ZDHHC2: variants seen among roughly 807,000 people sequenced by gnomAD.
ZDHHC2 encodes zDHHC palmitoyltransferase 2.
ZDHHC2 carries 51 observed loss-of-function variants against 55.6 expected under a neutral mutation model. That is an observed-to-expected ratio of 0.92 (90% CI 0.73 to 1.16). The LOEUF is 1.16. ZDHHC2 is among the 50% of genes most tolerant of loss of function. ZDHHC2 has a pLI of 0.00. For synonymous variants in ZDHHC2, 199 were observed against 152.9 expected, an observed-to-expected ratio of 1.30 and a Z score of -2.22; for missense variants, 491 against 442.4, an observed-to-expected ratio of 1.11 and a Z score of -0.99.
At chr8:17,199,506 T>TTCTTCG (rs1806538079) in intron 6 of ZDHHC2, among the ~76,000 whole-genome samples, 1 of 42,724 alleles carries the variant, frequency 2.3e-5, no homozygotes, top group African/African-American at 6.9e-5. Context: ...CTTCTTCTTC[T>TTCTTCG]TCTTCTTCGT....
intron 1 of ZDHHC2, among the ~76,000 whole-genome samples, chr8:17,159,908 C>T (rs1013958881): frequency 1.3e-5 from 2 of 152,166 alleles, no homozygotes; most frequent in African/African-American, 4.8e-5. Context: ...GTCCCTCTCT[C>T]CACTCCTGGC....
At chr8:17,214,482 T>C (rs1807545976) in intron 10 of ZDHHC2, among the ~76,000 whole-genome samples, 1 of 152,234 alleles carries the variant, frequency 6.6e-6, no homozygotes, top group African/African-American at 2.4e-5. Context: ...TCATATTTTC[T>C]TCCATATCCA....
intron 1 of ZDHHC2, among the ~76,000 whole-genome samples, chr8:17,180,502 G>A (rs1318317308): frequency 6.6e-6 from 1 of 151,998 alleles, no homozygotes. Context: ...TTTGTAATTT[G>A]TCTTCCTTGT....
chr8:17,198,435 A>G (rs747062539), intron 6 of ZDHHC2, 22 bp downstream of exon 6: 5 of 1,590,318 alleles, frequency 3.1e-6, no homozygotes, highest in Non-Finnish European at 4.3e-6. Context: ...GTATATTTAA[A>G]CAAGTTTGTG....
intron 1 of ZDHHC2, among the ~76,000 whole-genome samples, chr8:17,171,533 T>C (rs1211668368): frequency 6.6e-6 from 1 of 152,128 alleles, no homozygotes; most frequent in African/African-American, 2.4e-5. Context: ...AACTGATAGA[T>C]TGAAAGACCG....
intron 1 of ZDHHC2, among the ~76,000 whole-genome samples, chr8:17,170,592 T>G (rs1293301357): frequency 6.6e-6 from 1 of 152,222 alleles, no homozygotes; most frequent in African/African-American, 2.4e-5. Context: ...CTAGATGGTT[T>G]TAGAACGTTG....
intron 10 of ZDHHC2, among the ~76,000 whole-genome samples, chr8:17,211,766 A>T (rs575049270): frequency 1.3e-5 from 2 of 152,142 alleles, no homozygotes; most frequent in African/African-American, 4.8e-5. Context: ...TATATATTTC[A>T]CAGGGACATT....
At chr8:17,172,295 C>G (rs754216534) in intron 1 of ZDHHC2, among the ~76,000 whole-genome samples, 16 of 152,310 alleles carry the variant, frequency 1.1e-4, no homozygotes, top group African/African-American at 3.8e-4. Flanking sequence ...TCTTGGCCGC[C>G]GGCTAAATAT....
intron 6 of ZDHHC2, among the ~76,000 whole-genome samples, chr8:17,202,303 C>T (rs902604732): frequency 6.1e-5 from 4 of 65,796 alleles, no homozygotes; most frequent in African/African-American, 1.4e-4. Context: ...TCACTACAAC[C>T]TCCACCTCCT....
rs1183172860 is a variant in ZDHHC2, at chr8:17,221,226, A to G, written c.*1005A>G. ...ACACCTATTACAGTTAAATTATGCA[A>G]ATCATTAAATAAAAATCATACAACT... is the stretch of plus-strand genomic sequence containing the variant. On this transcript the variant is annotated 3_prime_UTR_variant, in exon 13 of 13. Coordinates refer to ENST00000262096, the MANE Select transcript of ZDHHC2 (RefSeq NM_016353.5). The G allele has an allele frequency of 6.6e-6, 1 of 152,536 alleles. No homozygotes were observed. Among genetic ancestry groups the G allele is most frequent in the Non-Finnish European group, 1.5e-5 (1 of 67,984 alleles). 9.4% of individuals were successfully genotyped at this position (152,536 alleles called of 1,614,324 possible).
chr8:17,156,911 C>G, intron 1 of ZDHHC2, 58 bp downstream of exon 1: 6 of 1,426,840 alleles, frequency 4.2e-6, no homozygotes, highest in Non-Finnish European at 4.6e-6. Flanking sequence ...CCGACTGTCC[C>G]GGGACGCTCA....
chr8:17,209,814 C>T lies in ZDHHC2; in HGVS notation c.731-118C>T, dbSNP rs181210595. 2.0e-5 allele frequency: 25 copies of T among 1,227,978 alleles called. No individual in the cohort carries two copies. The African/African-American group carries it at 3.2e-4, about 16-fold the overall frequency. 76.1% of individuals were successfully genotyped at this position (1,227,978 alleles called of 1,614,324 possible). ...CTGTTGACAGGCACATAAGCCCTCA[C>T]AGTCAGCTAGCCATTGATTTTCAGA... On this transcript the variant is annotated intron_variant, in intron 8 of 12. Coordinates refer to ENST00000262096, the MANE Select transcript of ZDHHC2 (RefSeq NM_016353.5).
At chr8:17,205,859 T>A in intron 7 of ZDHHC2, 84 bp downstream of exon 7, 1 of 1,352,930 alleles carries the variant, frequency 7.4e-7, no homozygotes, top group Non-Finnish European at 1.0e-6. Flanking sequence ...TTTCCGACAC[T>A]GACTTTATAG....
At chr8:17,168,722 T>A (rs77110073) in intron 1 of ZDHHC2, among the ~76,000 whole-genome samples, 2,897 of 152,130 alleles carry the variant, frequency 0.019, 48 homozygotes, top group Non-Finnish European at 0.03. Flanking sequence ...TCCAGGTAGC[T>A]CCTATGAGTG....
chr8:17,215,480 G>C, intron 11 of ZDHHC2, 131 bp downstream of exon 11: 4 of 760,338 alleles, frequency 5.3e-6, no homozygotes, highest in South Asian at 1.7e-5. Context: ...TCTAAATTCA[G>C]AATTATTTTC....
chr8:17,209,886 T>A (rs1807290730), intron 8 of ZDHHC2, 46 bp from the exon 9 acceptor site: 1 of 1,546,968 alleles, frequency 6.5e-7, no homozygotes, highest in Non-Finnish European at 8.7e-7. Flanking sequence ...GGATTGCTAG[T>A]AAATATGTTC....
At chr8:17,193,665 C>T (rs1307401282) in intron 3 of ZDHHC2, among the ~76,000 whole-genome samples, 1 of 152,252 alleles carries the variant, frequency 6.6e-6, no homozygotes. Context: ...TCAGAGATGC[C>T]ATCACAGATC....
chr8:17,175,514 T>C (rs1389567171), intron 1 of ZDHHC2, among the ~76,000 whole-genome samples: 1 of 152,190 alleles, frequency 6.6e-6, no homozygotes, highest in African/African-American at 2.4e-5. Flanking sequence ...CACTAAACTT[T>C]AGGAAACTCC....
intron 3 of ZDHHC2, among the ~76,000 whole-genome samples, chr8:17,187,111 G>A (rs1385704988): frequency 6.6e-6 from 1 of 152,190 alleles, no homozygotes; most frequent in Non-Finnish European, 1.5e-5. Flanking sequence ...ACAAGGAAGG[G>A]GGGAGTGTAG....
Sources: allele counts gnomAD v4.1 joint callset (sites outside exome capture counted in the v4.1 genomes callset), GRCh38; gene constraint gnomAD v4.1.1; transcripts MANE v1.5; gene names NCBI Gene and HGNC (gene_info 2026-07-23, HGNC 2026-07-21).